Variants in COL2A1 observed in about 807,000 individuals in gnomAD.
COL2A1 encodes the protein collagen type II alpha 1 chain.
COL2A1 carries 28 observed loss-of-function variants against 204.5 expected under a neutral mutation model. The observed-to-expected ratio is 0.14, with a 90% CI of 0.10 to 0.19. COL2A1 has a LOEUF of 0.19. Ranked by LOEUF, COL2A1 falls within the 10% of genes least tolerant of loss-of-function variation. COL2A1 has a pLI of 1.00. For missense variants in COL2A1, 1,388 were observed against 2,027.5 expected, an observed-to-expected ratio of 0.68 and a Z score of 6.06; for synonymous variants, 708 against 718.7, an observed-to-expected ratio of 0.99 and a Z score of 0.24.
chr12:47,980,199 C>A lies in COL2A1; in HGVS notation c.2626-137G>T. The A allele has an allele frequency of 1.3e-6, 1 of 775,608 alleles. No individual in the cohort carries two copies. Among genetic ancestry groups the A allele is most frequent in the South Asian group, 1.6e-5 (1 of 63,476 alleles). The allele number at this position is 775,608 out of a possible 1,614,324, so 48.0% of individuals were successfully genotyped here. On this transcript the variant is annotated intron_variant, in intron 39 of 53. Transcript: ENST00000380518. This position sits in a 1 kb window ranked among gnomAD's most constrained non-coding sequence, Gnocchi z 4.5. Reference sequence around the variant, plus strand: ...GCACTAAAAACCCAGCCTGAAGAGGCTGCCACAGGCAGCTCTGTCCCCTCT... The same window carrying A: ...GCACTAAAAACCCAGCCTGAAGAGGATGCCACAGGCAGCTCTGTCCCCTCT...
chr12:47,987,552 C>T lies in COL2A1; in HGVS notation c.1221+59G>A. ...CAACTGTCAGAGCAAAGTACAGAGT[C>T]AAGAGTTCCAAAGCCACAGACCCCA... On this transcript the variant is annotated intron_variant, in intron 19 of 53. Coordinates refer to ENST00000380518, the MANE Select transcript of COL2A1 (RefSeq NM_001844.5). This position sits in a 1 kb window ranked among gnomAD's most constrained non-coding sequence, Gnocchi z 4.1. 6.9e-7 allele frequency: 1 copy of T among 1,443,832 alleles called. No individual in the cohort carries two copies. The highest frequency in any genetic ancestry group is 9.6e-7 in the Non-Finnish European group (1 of 1,041,826). 89.4% of individuals were successfully genotyped at this position (1,443,832 alleles called of 1,614,324 possible).
At chr12:47,995,025 T>A (rs1032186587) in intron 11 of COL2A1, among the ~76,000 whole-genome samples, 1 of 152,248 alleles carries the variant, frequency 6.6e-6, no homozygotes, top group Admixed American at 6.5e-5. Context: ...GGGCTAATGA[T>A]GTTTTAATTA....
rs1361163432 is a variant in COL2A1, at chr12:47,978,080, C to G, written c.3041G>C (p.Gly1014Ala). ...PGKQGAPGAS[G>A]DRGPPGPVGP... ...CACGGGGCCAGGAGGACCTCTGTCT[C>G]CAGATGCTCCAGGAGCACCCTGCTT... Residue 1014 changes from glycine to alanine, a missense_variant, in exon 44 of 54, where the codon GGA (glycine) becomes GCA (alanine). By Grantham distance (60) the Gly-to-Ala change is moderately conservative. Coordinates refer to ENST00000380518, the MANE Select transcript of COL2A1 (RefSeq NM_001844.5). This position sits in a 1 kb window ranked among gnomAD's most constrained non-coding sequence, Gnocchi z 5.5. 6.2e-7 allele frequency: 1 copy of G among 1,613,808 alleles called. No individual in the cohort carries two copies. Among genetic ancestry groups the G allele is most frequent in the African/African-American group, 1.3e-5 (1 of 75,058 alleles).
Position 48,004,330 on chromosome 12 carries a change from G to A in COL2A1, c.-9C>T. 6.5e-7 allele frequency: 1 copy of A among 1,528,660 alleles called. No homozygotes were observed. The highest frequency in any genetic ancestry group is 8.9e-7 in the Non-Finnish European group (1 of 1,128,082). The allele number at this position is 1,528,660 out of a possible 1,614,324, so 94.7% of individuals were successfully genotyped here. ...GCCCCGAGGCGAATCATGGCTCACC[G>A]CGGGGCCTGGCTGAGCCGGGCCCGG... On this transcript the variant is annotated 5_prime_UTR_variant, in exon 1 of 54. Coordinates refer to ENST00000380518, the MANE Select transcript of COL2A1 (RefSeq NM_001844.5).
At position 47,993,668 on chromosome 12, in the gene COL2A1, C is replaced by T. The variant is rs144001210; in HGVS notation, c.924+141G>A. 26 of 1,139,896 alleles carry T rather than the reference C, an allele frequency of 2.3e-5. No individual in the cohort carries two copies. The East Asian group carries it at 6.3e-4, about 28-fold the overall frequency. 70.6% of individuals were successfully genotyped at this position (1,139,896 alleles called of 1,614,324 possible). ...CTCTCCAGGCCTGCTGTTGGCCCAT[C>T]AGGATGTAGGGCTGGTGTTCCCAGC... is the stretch of plus-strand genomic sequence containing the variant. On this transcript the variant is annotated intron_variant, in intron 14 of 53. Coordinates refer to ENST00000380518, the MANE Select transcript of COL2A1 (RefSeq NM_001844.5).
At chr12:47,979,894 C>T in intron 40 of COL2A1, 115 bp downstream of exon 40, 1 of 975,138 alleles carries the variant, frequency 1.0e-6, no homozygotes, top group Non-Finnish European at 1.5e-6. Context: ...AGGCTGGGGA[C>T]CAACGCAGGG....
At chr12:47,974,964 G>C in intron 51 of COL2A1, 102 bp from the exon 52 acceptor site, 1 of 1,221,800 alleles carries the variant, frequency 8.2e-7, no homozygotes, top group Admixed American at 2.2e-5. Context: ...GGCCTACAGG[G>C]ACAAGGGATG....
rs376046086 is a variant in COL2A1, at chr12:47,995,365, A to G, written c.709-57T>C. 1.2e-3 allele frequency: 1,768 copies of G among 1,434,860 alleles called. 32 individuals are homozygous for G. In the South Asian group the frequency reaches 0.014, roughly 11 times the overall value. 88.9% of individuals were successfully genotyped at this position (1,434,860 alleles called of 1,614,324 possible). ...GTTATAGTGGGAAGACACCTAAGCA[A>G]TGGACAAAACTTTGACATTGTAGTT... On this transcript the variant is annotated intron_variant, in intron 10 of 53. Coordinates refer to ENST00000380518, the MANE Select transcript of COL2A1 (RefSeq NM_001844.5).
At chr12:47,982,374 T>A (rs1939142116) in intron 34 of COL2A1, 128 bp downstream of exon 34, 1 of 865,746 alleles carries the variant, frequency 1.2e-6, no homozygotes, top group Non-Finnish European at 1.9e-6. Flanking sequence ...AAGGAGTCTT[T>A]AAGCTCCTCA....
intron 41 of COL2A1, among the ~76,000 whole-genome samples, chr12:47,979,191 A>C (rs377341735): frequency 2.0e-5 from 3 of 152,134 alleles, no homozygotes; most frequent in African/African-American, 7.2e-5. Context: ...GACCCAGGAC[A>C]TGCGGACTTG....
intron 7 of COL2A1, 107 bp downstream of exon 7, chr12:47,997,499 A>T: frequency 6.3e-7 from 1 of 1,598,502 alleles, no homozygotes; most frequent in East Asian, 2.2e-5. Flanking sequence ...CAGGCTATGT[A>T]CACACTGCTG....
rs781554389 is a variant in COL2A1 at position 47,989,772 on chromosome 12, C to T, written c.1057G>A (p.Ala353Thr). The T allele has an allele frequency of 1.1e-5, 17 of 1,613,298 alleles. No individual in the cohort carries two copies. Among genetic ancestry groups the T allele is most frequent in the Admixed American group, 5.0e-5 (3 of 60,000 alleles). Residue 353 changes from alanine (A) to threonine (T), a missense_variant, in exon 17 of 54, where the codon GCA becomes ACA. Ala to Thr is a moderately conservative substitution (Grantham distance 58). Around this residue, in one of 3 missense-constraint regions of COL2A1, gnomAD observed 884 missense variants for 1,415.8 expected, o/e 0.62. Coordinates refer to ENST00000380518, the MANE Select transcript of COL2A1 (RefSeq NM_001844.5). ...TGAAATGAACTTACCGGAGGCCCTG[C>T]GGGGCCTGGCTGACCATCGTTGCCT... The part of the protein sequence containing the change: ...ARGNDGQPGP[A>T]GPPGPVGPAG...
intron 1 of COL2A1, among the ~76,000 whole-genome samples, chr12:48,001,665 G>C (rs1940242059): frequency 6.6e-6 from 1 of 152,216 alleles, no homozygotes; most frequent in Non-Finnish European, 1.5e-5. Flanking sequence ...CTGGGTGTAA[G>C]AGCCGCTGAG....
In COL2A1 at chr12:47,994,044, C is replaced by T. The variant is rs1395857722; in HGVS notation, c.820G>A (p.Ala274Thr). ...CCTGGGGTTCCTGGGAAACCACGAG[C>T]ACCCTGCAATCCAAAGTGGAGGTGT... ...GERGPPGPQG[A>T]RGFPGTPGLP... Residue 274 changes from alanine to threonine, a missense_variant, in exon 13 of 54, where the codon GCT (alanine) becomes ACT (threonine). Around this residue, in one of 3 missense-constraint regions of COL2A1, gnomAD observed 884 missense variants for 1,415.8 expected, o/e 0.62. Transcript: ENST00000380518. The T allele has an allele frequency of 6.2e-7, 1 of 1,614,026 alleles. No individual in the cohort carries two copies. The highest frequency in any genetic ancestry group is 1.1e-5 in the South Asian group (1 of 91,080).
At chr12:47,994,136 G>A in intron 12 of COL2A1, 89 bp from the exon 13 acceptor site, 1 of 1,424,076 alleles carries the variant, frequency 7.0e-7, no homozygotes, top group Non-Finnish European at 9.9e-7. Flanking sequence ...CAGTTCCCTT[G>A]GGCCACCAGG....
rs1412365486 is a variant in COL2A1, at chr12:47,987,877, T to C, written c.1123-168A>G. 6.6e-6 allele frequency among the ~76,000 whole-genome samples: 1 copy of C among 152,084 alleles called. No individual in the cohort carries two copies. The highest frequency in any genetic ancestry group is 1.5e-5 in the Non-Finnish European group (1 of 68,020). On this transcript the variant is annotated intron_variant, in intron 18 of 53. Transcript: ENST00000380518. This position sits in a 1 kb window ranked among gnomAD's most constrained non-coding sequence, Gnocchi z 4.1. Reference sequence around the variant, plus strand: ...CACACACAGTTCACGCTGCCGTTTTTCTCCCTGCCTGACCGAGCTGATGAC... The same window carrying C: ...CACACACAGTTCACGCTGCCGTTTTCCTCCCTGCCTGACCGAGCTGATGAC...
At chr12:47,996,881 T>G (rs781672656) in intron 7 of COL2A1, among the ~76,000 whole-genome samples, 1 of 152,238 alleles carries the variant, frequency 6.6e-6, no homozygotes, top group Non-Finnish European at 1.5e-5. Flanking sequence ...TGCATTTCAT[T>G]TTATAAAATT....
intron 52 of COL2A1, 139 bp from the exon 53 acceptor site, chr12:47,974,470 C>A: frequency 7.5e-7 from 1 of 1,335,756 alleles, no homozygotes; most frequent in Non-Finnish European, 1.0e-6. Context: ...GACATTTTTG[C>A]TTCCAGGAGT....
Position 47,976,173 on chromosome 12 carries a change from G to A in COL2A1, c.3490-103C>T, listed in dbSNP as rs992230760. 3.1e-5 allele frequency: 26 copies of A among 837,504 alleles called. No homozygotes were observed. Among genetic ancestry groups the A allele is most frequent in the African/African-American group, 5.0e-5 (3 of 60,178 alleles). 51.9% of individuals were successfully genotyped at this position (837,504 alleles called of 1,614,324 possible). On this transcript the variant is annotated intron_variant, in intron 49 of 53. Coordinates refer to ENST00000380518, the MANE Select transcript of COL2A1 (RefSeq NM_001844.5). This position sits in a 1 kb window ranked among gnomAD's most constrained non-coding sequence, Gnocchi z 4.3. ...CTGTCCTGATAGCACCAGCCACTCC[G>A]CCCCCAGTTCTTCACATGCTCAGTC...
Sources: allele counts gnomAD v4.1 joint callset (sites outside exome capture counted in the v4.1 genomes callset), GRCh38; gene constraint gnomAD v4.1.1; regional missense constraint gnomAD v4.1.1; non-coding constraint Gnocchi (gnomAD v3.1); transcripts MANE v1.5; gene names NCBI Gene and HGNC (gene_info 2026-07-23, HGNC 2026-07-21).